The following SPECC1L variants were observed in gnomAD, a reference collection of about 807,000 sequenced individuals.
SPECC1L encodes the protein sperm antigen with calponin homology and coiled-coil domains 1 like, also known as cytospin-A.
SPECC1L carries 40 observed loss-of-function variants against 116.8 expected under a neutral mutation model. The ratio of observed to expected loss-of-function variants is 0.34; its 90% confidence interval spans 0.27 to 0.45. SPECC1L has a LOEUF of 0.45. Ranked by LOEUF, SPECC1L falls within the 20% of genes least tolerant of loss-of-function variation. The pLI is 1.00. For missense variants in SPECC1L, 1,110 were observed against 1,373.6 expected, an observed-to-expected ratio of 0.81 and a Z score of 3.03; for synonymous variants, 504 against 500.6, an observed-to-expected ratio of 1.01 and a Z score of -0.09.
intron 3 of SPECC1L, among the ~76,000 whole-genome samples, chr22:24,310,831 G>T (rs1354613554): frequency 1.3e-5 from 2 of 151,922 alleles, no homozygotes; most frequent in South Asian, 2.1e-4. Context: ...TTAATTAAAA[G>T]GATTTTTTAT....
rs368597254 is a variant in SPECC1L, at chr22:24,334,621, C to T, written c.2560+48C>T. The T allele has an allele frequency of 6.9e-5, 109 of 1,589,376 alleles. 2 individuals carry two copies. The South Asian group carries it at 1.1e-3, about 16-fold the overall frequency. ...TGCCTACTGCATGCGGTTGTGTTCA[C>T]TTACCTTATATTCTCTGGTCTGATT... On this transcript the variant is annotated intron_variant, in intron 9 of 16. Coordinates refer to ENST00000314328, the MANE Select transcript of SPECC1L (RefSeq NM_015330.6).
intron 2 of SPECC1L, among the ~76,000 whole-genome samples, chr22:24,292,681 C>G (rs2049176287): frequency 6.6e-6 from 1 of 151,996 alleles, no homozygotes; most frequent in African/African-American, 2.4e-5. Context: ...ATAGCCTTAC[C>G]ATTGCTTTGT....
intron 2 of SPECC1L, among the ~76,000 whole-genome samples, chr22:24,300,331 A>G (rs1399528897): frequency 6.6e-6 from 1 of 152,324 alleles, no homozygotes; most frequent in South Asian, 2.1e-4. Flanking sequence ...ATGGCTGCAT[A>G]GTATTCCATG....
At chr22:24,305,056 G>T (rs2049464009) in intron 3 of SPECC1L, among the ~76,000 whole-genome samples, 1 of 152,162 alleles carries the variant, frequency 6.6e-6, no homozygotes, top group Non-Finnish European at 1.5e-5. Context: ...TGCCTTTACA[G>T]AATTTTGTAG....
At chr22:24,340,397 TC>T in intron 10 of SPECC1L, among the ~76,000 whole-genome samples, 1 of 152,264 alleles carries the variant, frequency 6.6e-6, no homozygotes, top group East Asian at 1.9e-4. Flanking sequence ...TCTGCCCTCT[TC>T]AGCCTTCCAA....
chr22:24,375,987 A>T (rs5760378), intron 14 of SPECC1L, among the ~76,000 whole-genome samples: 2 of 151,914 alleles, frequency 1.3e-5, no homozygotes, highest in African/African-American at 2.4e-5. Context: ...AACAAAAAAA[A>T]CCCACAGTTT....
At chr22:24,273,812 C>T (rs992404368) in intron 1 of SPECC1L, among the ~76,000 whole-genome samples, 1 of 152,166 alleles carries the variant, frequency 6.6e-6, no homozygotes, top group Non-Finnish European at 1.5e-5. Flanking sequence ...AGGCTGGAGT[C>T]TAATGGCATG....
At chr22:24,405,796 G>A (rs1006491964) in intron 14 of SPECC1L, among the ~76,000 whole-genome samples, 2 of 150,510 alleles carry the variant, frequency 1.3e-5, no homozygotes, top group African/African-American at 2.5e-5. Flanking sequence ...TCGAGATTGC[G>A]CCACAGCACT....
intron 14 of SPECC1L, among the ~76,000 whole-genome samples, chr22:24,370,672 C>G (rs1389218003): frequency 6.6e-6 from 1 of 152,108 alleles, no homozygotes; most frequent in Non-Finnish European, 1.5e-5. Context: ...TGGAAGCAAC[C>G]CAAGTGTCTG....
intron 10 of SPECC1L, among the ~76,000 whole-genome samples, chr22:24,342,919 G>T (rs968448337): frequency 2.0e-5 from 3 of 151,680 alleles, no homozygotes; most frequent in Non-Finnish European, 2.9e-5. Flanking sequence ...TAGGCTGGGC[G>T]CAGTGGCTCA....
intron 14 of SPECC1L, among the ~76,000 whole-genome samples, chr22:24,404,955 T>C (rs2042557065): frequency 6.6e-6 from 1 of 152,298 alleles, no homozygotes; most frequent in South Asian, 2.1e-4. Flanking sequence ...TGTCACTGTG[T>C]CTCCTGCTCT....
chr22:24,374,524 A>C (rs1384381231), intron 14 of SPECC1L, among the ~76,000 whole-genome samples: 1 of 148,882 alleles, frequency 6.7e-6, no homozygotes, highest in Admixed American at 6.7e-5. Context: ...TCGCAAGGAC[A>C]AAAAAAAACA....
intron 14 of SPECC1L, among the ~76,000 whole-genome samples, chr22:24,401,514 C>G (rs888241101): frequency 5.3e-5 from 8 of 152,234 alleles, no homozygotes; most frequent in African/African-American, 1.9e-4. Context: ...CTTCATTAGG[C>G]TTCCTCTTTA....
At chr22:24,318,861 A>G (rs183486701) in intron 4 of SPECC1L, among the ~76,000 whole-genome samples, 1 of 151,738 alleles carries the variant, frequency 6.6e-6, no homozygotes, top group East Asian at 1.9e-4. Flanking sequence ...CCTGGGAGGT[A>G]GAGTTGCCGT....
At position 24,300,854 on chromosome 22, in the gene SPECC1L, T is replaced by C. The variant is rs569448342; in HGVS notation, c.-37-1341T>C. ...TGATCTTCGACAAACCTGACAAAAA[T>C]AAGCAATAGGGAAAGGATGTTGTAT... On this transcript the variant is annotated intron_variant, in intron 2 of 16. Coordinates refer to ENST00000314328, the MANE Select transcript of SPECC1L (RefSeq NM_015330.6). 3.8e-4 allele frequency among the ~76,000 whole-genome samples: 58 copies of C among 152,026 alleles called. 3 individuals are homozygous for C. In the South Asian group the frequency reaches 0.012, roughly 31 times the overall value.
chr22:24,307,456 T>TC (rs1169310344), intron 3 of SPECC1L, among the ~76,000 whole-genome samples: 1 of 152,134 alleles, frequency 6.6e-6, no homozygotes. Context: ...TGCCTTGCTT[T>TC]CGCTCTCTTC....
At chr22:24,362,885 T>G (rs775525821) in intron 11 of SPECC1L, among the ~76,000 whole-genome samples, 6 of 152,236 alleles carry the variant, frequency 3.9e-5, no homozygotes, top group Non-Finnish European at 5.9e-5. Flanking sequence ...TGTGTGTAGC[T>G]TCCACACTAA....
chr22:24,374,773 A>AT (rs2041939738), intron 14 of SPECC1L, among the ~76,000 whole-genome samples: 1 of 152,076 alleles, frequency 6.6e-6, no homozygotes, highest in Non-Finnish European at 1.5e-5. Context: ...TTAAAGTATA[A>AT]TTTAAAAAAA....
At chr22:24,340,346 C>T (rs1444665298) in intron 10 of SPECC1L, among the ~76,000 whole-genome samples, 1 of 151,928 alleles carries the variant, frequency 6.6e-6, no homozygotes, top group Admixed American at 6.6e-5. Context: ...CGGTTTTAAC[C>T]ACGTTGGCCA....
Sources: allele counts gnomAD v4.1 joint callset (sites outside exome capture counted in the v4.1 genomes callset), GRCh38; gene constraint gnomAD v4.1.1; transcripts MANE v1.5; gene names NCBI Gene and HGNC (gene_info 2026-07-23, HGNC 2026-07-21).